Variants in ZNF804A observed in about 807,000 individuals in gnomAD.
ZNF804A encodes zinc finger protein 804A.
Under a neutral mutation model 16.5 loss-of-function variants are expected in ZNF804A, and 2 were observed. The observed-to-expected ratio is 0.12, with a 90% confidence interval of 0.05 to 0.38. ZNF804A has a LOEUF of 0.38. ZNF804A is among the 10% of genes least tolerant of loss of function. ZNF804A has a pLI of 0.99. For synonymous variants in ZNF804A, 534 were observed against 489.6 expected (o/e 1.09, Z -1.20); for missense variants, 1,473 against 1,390.7 (o/e 1.06, Z -0.94).
intron 1 of ZNF804A, among the ~76,000 whole-genome samples, chr2:184,708,788 G>A (rs1395330485): frequency 2.0e-5 from 3 of 151,896 alleles, no homozygotes; most frequent in Non-Finnish European, 4.4e-5. Flanking sequence ...AAAATGCCTC[G>A]TGAAACTTTA....
chr2:184,598,770 C>T lies in ZNF804A; in HGVS notation c.-190C>T, dbSNP rs1475844037. 2.7e-6 allele frequency: 1 copy of T among 375,558 alleles called. No homozygotes were observed. Among genetic ancestry groups the T allele is most frequent in the Non-Finnish European group, 4.7e-6 (1 of 213,756 alleles). 23.3% of individuals were successfully genotyped at this position (375,558 alleles called of 1,614,324 possible). On this transcript the variant is annotated 5_prime_UTR_variant, in exon 1 of 4. Transcript: ENST00000302277. ...CTGAGGGGAGAGCGCGGCGAGCATGCGGAGGCGGGGGAGCCTCGGCGCTCA... is the reference window on the plus strand; with the variant it reads ...CTGAGGGGAGAGCGCGGCGAGCATGTGGAGGCGGGGGAGCCTCGGCGCTCA...
intron 2 of ZNF804A, among the ~76,000 whole-genome samples, chr2:184,891,507 G>A (rs1188853662): frequency 6.6e-6 from 1 of 152,072 alleles, no homozygotes; most frequent in Non-Finnish European, 1.5e-5. Flanking sequence ...AGAAATTACA[G>A]AGTAAAAAAG....
intron 1 of ZNF804A, among the ~76,000 whole-genome samples, chr2:184,614,036 A>G (rs997557323): frequency 6.6e-6 from 1 of 152,202 alleles, no homozygotes; most frequent in Non-Finnish European, 1.5e-5. Flanking sequence ...TTCAAACTAT[A>G]CTACAAGACT....
intron 1 of ZNF804A, among the ~76,000 whole-genome samples, chr2:184,844,807 A>C (rs560942188): frequency 6.7e-6 from 1 of 148,802 alleles, no homozygotes; most frequent in East Asian, 2.0e-4. Context: ...TATTTCTTCT[A>C]CTCCACTTCT....
At chr2:184,930,736 T>C (rs1685684381) in intron 2 of ZNF804A, among the ~76,000 whole-genome samples, 1 of 152,204 alleles carries the variant, frequency 6.6e-6, no homozygotes, top group Non-Finnish European at 1.5e-5. Flanking sequence ...ACACAATAAT[T>C]TAAAAATTTT....
At chr2:184,731,717 G>A (rs908405515) in intron 1 of ZNF804A, among the ~76,000 whole-genome samples, 1 of 151,716 alleles carries the variant, frequency 6.6e-6, no homozygotes, top group Non-Finnish European at 1.5e-5. Context: ...CTACAGGCAT[G>A]CGCCACACTA....
At chr2:184,883,503 T>A (rs992973096) in intron 2 of ZNF804A, among the ~76,000 whole-genome samples, 1 of 151,888 alleles carries the variant, frequency 6.6e-6, no homozygotes, top group Non-Finnish European at 1.5e-5. Context: ...ATATCCTTGA[T>A]AAAATAGTTG....
intron 1 of ZNF804A, among the ~76,000 whole-genome samples, chr2:184,777,834 C>T (rs1694312122): frequency 3.3e-5 from 5 of 151,362 alleles, no homozygotes. Flanking sequence ...GGACTTATTC[C>T]TATGCTGTGA....
rs1004395929 is a variant in ZNF804A, at chr2:184,770,383, A to C, written c.112-95986A>C. Among the ~76,000 whole-genome samples, 4 of 152,084 alleles carry C rather than the reference A, an allele frequency of 2.6e-5. No homozygotes were observed. The South Asian group carries it at 8.3e-4, about 32-fold the overall frequency. On this transcript the variant is annotated intron_variant, in intron 1 of 3. Coordinates refer to ENST00000302277, the MANE Select transcript of ZNF804A (RefSeq NM_194250.2). ...GTAGAATGTGTTATAACGTTTTCATAAATTGGCCAGAAAGAATGTCATTAA... is the reference window on the plus strand; with the variant it reads ...GTAGAATGTGTTATAACGTTTTCATCAATTGGCCAGAAAGAATGTCATTAA...
intron 1 of ZNF804A, among the ~76,000 whole-genome samples, chr2:184,677,862 C>G (rs566902665): frequency 6.6e-6 from 1 of 151,992 alleles, no homozygotes; most frequent in Non-Finnish European, 1.5e-5. Flanking sequence ...TATCCTGTTT[C>G]TATTGGAATT....
At chr2:184,738,974 T>C (rs958855832) in intron 1 of ZNF804A, among the ~76,000 whole-genome samples, 1 of 152,226 alleles carries the variant, frequency 6.6e-6, no homozygotes, top group South Asian at 2.1e-4. Context: ...TAGAATCATT[T>C]ATGATAATTA....
intron 1 of ZNF804A, among the ~76,000 whole-genome samples, chr2:184,712,479 G>A (rs1264981925): frequency 2.0e-5 from 3 of 151,636 alleles, no homozygotes; most frequent in African/African-American, 4.8e-5. Flanking sequence ...ATGTCGACAC[G>A]TTGGCTGTAA....
intron 1 of ZNF804A, among the ~76,000 whole-genome samples, chr2:184,826,930 T>C (rs1695177127): frequency 6.6e-6 from 1 of 152,082 alleles, no homozygotes; most frequent in African/African-American, 2.4e-5. Flanking sequence ...ATATACTTTT[T>C]ACTTCATTTT....
At chr2:184,856,035 G>A (rs1318287061) in intron 1 of ZNF804A, among the ~76,000 whole-genome samples, 2 of 151,996 alleles carry the variant, frequency 1.3e-5, no homozygotes, top group African/African-American at 2.4e-5. Flanking sequence ...CGATTCTGAA[G>A]CAAGGTGATA....
chr2:184,867,293 T>A (rs1413450235), intron 2 of ZNF804A, among the ~76,000 whole-genome samples: 5 of 152,080 alleles, frequency 3.3e-5, no homozygotes, highest in African/African-American at 1.2e-4. Context: ...TTATAAACAT[T>A]TTCTATTTTA....
chr2:184,701,015 G>A (rs1446957113), intron 1 of ZNF804A, among the ~76,000 whole-genome samples: 1 of 151,878 alleles, frequency 6.6e-6, no homozygotes, highest in East Asian at 1.9e-4. Context: ...AAAATACATT[G>A]TTGTGAACTA....
chr2:184,696,827 A>C (rs77868844), intron 1 of ZNF804A, among the ~76,000 whole-genome samples: 2,239 of 152,138 alleles, frequency 0.015, 63 homozygotes, highest in African/African-American at 0.051. Context: ...GGGTTATATA[A>C]ATTAAATATG....
In ZNF804A at chr2:184,936,121, T is replaced by A. The variant is rs868683641; in HGVS notation, c.725T>A (p.Val242Glu). Residue 242 changes from valine to glutamate, a missense_variant, in exon 4 of 4, where the codon GTG (valine) becomes GAG (glutamate). Physicochemically the swap from Val to Glu is moderately radical, Grantham distance 121 (BLOSUM62 -2). Transcript: ENST00000302277. ...AFSEYSDDAS[V>E]GKGFSRKSRF... ...TCTGAATACAGTGATGATGCCTCAG[T>A]GGGAAAAGGATTTAGCAGAAAAAGT... is the stretch of plus-strand genomic sequence containing the variant. 6.2e-7 allele frequency: 1 copy of A among 1,613,978 alleles called. No homozygotes were observed. The highest frequency in any genetic ancestry group is 8.5e-7 in the Non-Finnish European group (1 of 1,179,946).
chr2:184,694,064 G>T (rs1429138674), intron 1 of ZNF804A, among the ~76,000 whole-genome samples: 1 of 151,362 alleles, frequency 6.6e-6, no homozygotes, highest in Non-Finnish European at 1.5e-5. Flanking sequence ...GAGTAGCTGG[G>T]ATTACAGGTG....
Sources: gnomAD v4.1 joint callset for allele counts (sites outside exome capture counted in the v4.1 genomes callset) on GRCh38, gnomAD v4.1.1 for gene constraint, MANE v1.5 for transcripts, NCBI Gene and HGNC (gene_info 2026-07-23, HGNC 2026-07-21) for gene names.